The following DISC1 variants were observed in gnomAD, a reference collection of about 807,000 sequenced individuals.
DISC1 encodes the protein DISC1 scaffold protein, also known as disrupted in schizophrenia 1 protein.
In DISC1, 57 loss-of-function variants were observed where a neutral mutation model predicts 84.5. The observed-to-expected ratio is 0.67, with a 90% CI of 0.55 to 0.84. The LOEUF (loss-of-function observed/expected upper bound fraction) is 0.84. Ranked by LOEUF, DISC1 falls within the 40% of genes least tolerant of loss-of-function variation. DISC1 has a pLI of 0.00. For missense variants in DISC1, 1,000 were observed against 1,057.8 expected (o/e 0.95, Z 0.76); for synonymous variants, 411 against 415.2 (o/e 0.99, Z 0.12).
At position 231,632,560 on chromosome 1, in the gene DISC1, G is replaced by A. The variant is rs143257744; in HGVS notation, c.67+5626G>A. Reference sequence around the variant, plus strand: ...ACAGTATTGAATGTTGTAAGTGGCAGTAGAGATCATGTAATCTGGCCTTCT... The same window carrying A: ...ACAGTATTGAATGTTGTAAGTGGCAATAGAGATCATGTAATCTGGCCTTCT... On this transcript the variant is annotated intron_variant, in intron 1 of 12. Transcript: ENST00000439617. 2.5e-3 allele frequency among the ~76,000 whole-genome samples: 376 copies of A among 152,342 alleles called. 6 individuals carry two copies. Among genetic ancestry groups the A allele is most frequent in the African/African-American group, 8.6e-3 (359 of 41,576 alleles).
chr1:232,020,392 T>C (rs532943548), intron 11 of DISC1, among the ~76,000 whole-genome samples: 11 of 152,276 alleles, frequency 7.2e-5, no homozygotes, highest in Non-Finnish European at 1.5e-4. Flanking sequence ...GCCTCTTTTC[T>C]TGTATGTAAA....
At position 231,750,093 on chromosome 1, in the gene DISC1, G is replaced by C. The variant is rs764408909; in HGVS notation, c.1268+17G>C. On this transcript the variant is annotated intron_variant, in intron 4 of 12. Transcript: ENST00000439617. ...CACTCAGCAGTGAGTACTTGTTATT[G>C]TCACCATTTTCCCCTCATGTTTCTT... 1 of 1,607,890 alleles carries C rather than the reference G, an allele frequency of 6.2e-7. No individual in the cohort carries two copies. Among genetic ancestry groups the C allele is most frequent in the Admixed American group, 1.7e-5 (1 of 59,264 alleles).
intron 9 of DISC1, chr1:231,854,981 G>A (rs2084167821): frequency 1.8e-6 from 2 of 1,097,820 alleles, no homozygotes; most frequent in African/African-American, 3.3e-5. Context: ...CTCCCAAAGT[G>A]CTGGGATTAC....
chr1:231,695,125 G>A (rs2065478049), intron 2 of DISC1, among the ~76,000 whole-genome samples: 1 of 152,192 alleles, frequency 6.6e-6, no homozygotes, highest in Non-Finnish European at 1.5e-5. Context: ...AGGAAACTGG[G>A]GGCAGGGGAG....
chr1:231,818,682 G>A (rs769536500), intron 9 of DISC1, 165 bp downstream of exon 9: 60 of 1,436,878 alleles, frequency 4.2e-5, no homozygotes, highest in Non-Finnish European at 5.3e-5. Context: ...TTGGCAAACC[G>A]AATGGAATTA....
At chr1:231,626,998 TG>T in intron 1 of DISC1, 64 bp downstream of exon 1, 1 of 1,214,646 alleles carries the variant, frequency 8.2e-7, no homozygotes, top group Non-Finnish European at 1.1e-6. Context: ...GGGCGCGCTC[TG>T]GCCCCCAGGA....
intron 3 of DISC1, among the ~76,000 whole-genome samples, chr1:231,729,667 A>C (rs2071247673): frequency 6.6e-6 from 1 of 151,842 alleles, no homozygotes; most frequent in Admixed American, 6.6e-5. Flanking sequence ...TCCAAATTGG[A>C]ATAGCTCAGG....
intron 9 of DISC1, among the ~76,000 whole-genome samples, chr1:231,891,529 G>C (rs1196491538): frequency 1.3e-5 from 2 of 152,200 alleles, no homozygotes; most frequent in East Asian, 3.9e-4. Flanking sequence ...AGGAAGGAAT[G>C]CTGAGAGAGA....
intron 3 of DISC1, among the ~76,000 whole-genome samples, chr1:231,711,570 G>T (rs1446006632): frequency 6.6e-6 from 1 of 150,932 alleles, no homozygotes; most frequent in African/African-American, 2.4e-5. Context: ...GGGTTTCACC[G>T]TGTTAGCCAG....
At chr1:231,931,591 AC>A (rs1429957790) in intron 9 of DISC1, among the ~76,000 whole-genome samples, 2 of 151,128 alleles carry the variant, frequency 1.3e-5, no homozygotes, top group Non-Finnish European at 2.9e-5. Flanking sequence ...ACACATGATG[AC>A]CCTATCATCC....
At chr1:231,951,328 T>C in intron 9 of DISC1, among the ~76,000 whole-genome samples, 1 of 152,180 alleles carries the variant, frequency 6.6e-6, no homozygotes, top group Admixed American at 6.5e-5. Flanking sequence ...CTTCCTTTGG[T>C]GTGGGATCAT....
Position 231,707,144 on chromosome 1 carries a change from A to T in DISC1, c.1117+5120A>T, listed in dbSNP as rs552094269. ...GACTGCCAGAATCAATGGGATGTGG[A>T]TGCCATCTGGGGGCCCATGGAACAT... On this transcript the variant is annotated intron_variant, in intron 3 of 12. Transcript: ENST00000439617. Among the ~76,000 whole-genome samples, 3 of 152,314 alleles carry T rather than the reference A, an allele frequency of 2.0e-5. No individual in the cohort carries two copies. In the East Asian group the frequency reaches 5.8e-4, roughly 29 times the overall value.
chr1:231,700,186 C>A (rs1022535924), intron 2 of DISC1, among the ~76,000 whole-genome samples: 13 of 152,156 alleles, frequency 8.5e-5, no homozygotes, highest in Non-Finnish European at 1.3e-4. Flanking sequence ...ATAAAACTTA[C>A]AGTTGACCCT....
intron 8 of DISC1, among the ~76,000 whole-genome samples, chr1:231,800,980 T>C (rs145776554): frequency 9.2e-5 from 14 of 152,196 alleles, no homozygotes; most frequent in African/African-American, 3.4e-4. Context: ...CTCTGAGTTT[T>C]ATAGGTTGAA....
chr1:231,897,974 C>T lies in DISC1; in HGVS notation c.1982-60854C>T, dbSNP rs2087838527. ...TATTTATTGAATCTCATTTTAAGGA[C>T]ATTTGCATTTCATGAGAAGTGAGAG... On this transcript the variant is annotated intron_variant, in intron 9 of 12. Transcript: ENST00000439617. This position sits in a 1 kb window ranked among gnomAD's most constrained non-coding sequence, Gnocchi z 4.5. Among the ~76,000 whole-genome samples, 1 of 152,144 alleles carries T rather than the reference C, an allele frequency of 6.6e-6. No individual in the cohort carries two copies. Among genetic ancestry groups the T allele is most frequent in the East Asian group, 1.9e-4 (1 of 5,204 alleles).
intron 9 of DISC1, among the ~76,000 whole-genome samples, chr1:231,948,693 A>G (rs1657732475): frequency 6.6e-6 from 1 of 151,916 alleles, no homozygotes; most frequent in South Asian, 2.1e-4. Flanking sequence ...TTGAAGGGGC[A>G]AATCTTTTGG....
At chr1:231,767,079 T>A in intron 4 of DISC1, 61 bp from the exon 5 acceptor site, 2 of 1,600,836 alleles carry the variant, frequency 1.2e-6, no homozygotes, top group South Asian at 2.2e-5. Context: ...CTTAAAATAC[T>A]TGTCAACATG....
At chr1:231,896,114 C>T (rs200612893) in intron 9 of DISC1, among the ~76,000 whole-genome samples, 134 of 152,244 alleles carry the variant, frequency 8.8e-4, no homozygotes, top group Non-Finnish European at 4.7e-4. Flanking sequence ...TGAGTTTCAT[C>T]GTACCAATGA....
At chr1:231,643,322 A>C (rs2059879742) in intron 1 of DISC1, among the ~76,000 whole-genome samples, 1 of 152,178 alleles carries the variant, frequency 6.6e-6, no homozygotes, top group African/African-American at 2.4e-5. Flanking sequence ...CACTGTGTTT[A>C]GGCCTCCTTT....
Sources: gnomAD v4.1 joint callset for allele counts (sites outside exome capture counted in the v4.1 genomes callset) on GRCh38, gnomAD v4.1.1 for gene constraint, Gnocchi (gnomAD v3.1) non-coding constraint, MANE v1.5 for transcripts, NCBI Gene and HGNC (gene_info 2026-07-23, HGNC 2026-07-21) for gene names.